Variants in TTC12 observed in about 807,000 individuals in gnomAD.
TTC12 encodes tetratricopeptide repeat domain 12, also known as tetratricopeptide repeat protein 12.
TTC12 carries 70 observed loss-of-function variants against 90.1 expected under a neutral mutation model. The observed-to-expected ratio is 0.78, with a 90% CI of 0.64 to 0.95. The LOEUF is 0.95. TTC12 is among the 40% of genes least tolerant of loss of function. The probability of loss-of-function intolerance (pLI) is 0.00; values close to 1 mark genes in which losing one functional copy is unlikely to be tolerated. For synonymous variants in TTC12, 296 were observed against 311.5 expected (o/e 0.95, Z 0.53); for missense variants, 819 against 846.1 (o/e 0.97, Z 0.40).
At chr11:113,356,941 C>G (rs149114383) in intron 16 of TTC12, among the ~76,000 whole-genome samples, 2,289 of 152,168 alleles carry the variant, frequency 0.015, 62 homozygotes, top group African/African-American at 0.054. Flanking sequence ...CTGGGGTTCT[C>G]TGCATTTCCT....
At position 113,323,640 on chromosome 11, in the gene TTC12, C is replaced by T. The variant is rs17115349; in HGVS notation, c.222+189C>T. The stretch of plus-strand genomic sequence containing the variant: ...TCTTTCTGGGTTATCTTTAAACAAC[C>T]CTTTGGATCTATTTTAATGGAAATT... On this transcript the variant is annotated intron_variant, in intron 3 of 21. Coordinates refer to ENST00000529221, the MANE Select transcript of TTC12 (RefSeq NM_017868.4). Among the ~76,000 whole-genome samples the T allele has an allele frequency of 9.3e-3, 1,417 of 151,812 alleles. 28 individuals are homozygous for T. Among genetic ancestry groups the T allele is most frequent in the African/African-American group, 0.032 (1,323 of 41,368 alleles).
intron 7 of TTC12, 144 bp downstream of exon 7, chr11:113,330,123 T>C (rs1947955307): frequency 4.3e-6 from 3 of 693,456 alleles, no homozygotes; most frequent in Non-Finnish European, 7.7e-6. Context: ...TAGAATAGAA[T>C]TGTTAGGAGG....
At chr11:113,359,173 A>G (rs1949781499) in intron 16 of TTC12, among the ~76,000 whole-genome samples, 190 bp from the exon 17 acceptor site, 1 of 150,224 alleles carries the variant, frequency 6.7e-6, no homozygotes, top group African/African-American at 2.5e-5. Context: ...GGCACCAGAG[A>G]CTCCTTCCAA....
chr11:113,322,699 A>G (rs1947415029), intron 2 of TTC12, among the ~76,000 whole-genome samples: 1 of 152,188 alleles, frequency 6.6e-6, no homozygotes, highest in South Asian at 2.1e-4. Context: ...TAGCATTCCT[A>G]ATGCAGACTG....
chr11:113,322,887 C>A (rs1385940355), intron 2 of TTC12, among the ~76,000 whole-genome samples: 1 of 152,016 alleles, frequency 6.6e-6, no homozygotes, highest in African/African-American at 2.4e-5. Context: ...TGCTGTTTTG[C>A]GATTTTGAGC....
rs145174911 is a variant in TTC12, at chr11:113,328,669, C to A, written c.445-1251C>A. Among the ~76,000 whole-genome samples, 220 of 152,154 alleles carry A rather than the reference C, an allele frequency of 1.4e-3. 2 individuals are homozygous for A. Among genetic ancestry groups the A allele is most frequent in the Admixed American group, 3.6e-3 (55 of 15,282 alleles). On this transcript the variant is annotated intron_variant, in intron 6 of 21. Transcript: ENST00000529221. Reference sequence around the variant, plus strand: ...ATACAGTTCACCCTTTTATAGTACACAATTTAATGGAATTTTAGTATAATC... The same window carrying A: ...ATACAGTTCACCCTTTTATAGTACAAAATTTAATGGAATTTTAGTATAATC...
At chr11:113,353,412 T>C (rs1343587431) in intron 16 of TTC12, among the ~76,000 whole-genome samples, 1 of 152,240 alleles carries the variant, frequency 6.6e-6, no homozygotes, top group Admixed American at 6.5e-5. Context: ...TCCCATTCTA[T>C]AGGTTGTCTG....
At chr11:113,337,949 T>C (rs1555144553) in intron 8 of TTC12, among the ~76,000 whole-genome samples, 1 of 152,164 alleles carries the variant, frequency 6.6e-6, no homozygotes, top group African/African-American at 2.4e-5. Context: ...CTCTGATATA[T>C]AGACTTCTGT....
chr11:113,364,691 A>AG, intron 20 of TTC12, 144 bp from the exon 21 acceptor site: 1 of 656,968 alleles, frequency 1.5e-6, no homozygotes. Flanking sequence ...ATGTTTGCTG[A>AG]TGAGTAAGTG....
chr11:113,332,592 G>A (rs782048274), intron 7 of TTC12, among the ~76,000 whole-genome samples: 7 of 152,074 alleles, frequency 4.6e-5, no homozygotes, highest in Non-Finnish European at 7.4e-5. Flanking sequence ...TCTGCTCCCC[G>A]TCTTTCGTCT....
In TTC12 at chr11:113,329,761, C is replaced by T. The variant is rs1326853191; in HGVS notation, c.445-159C>T. The T allele has an allele frequency of 2.1e-5, 15 of 701,980 alleles. No individual in the cohort carries two copies. The African/African-American group carries it at 2.6e-4, about 12-fold the overall frequency. The allele number at this position is 701,980 out of a possible 1,614,324, so 43.5% of individuals were successfully genotyped here. A position where few individuals can be genotyped will look rare whatever the true frequency, so the allele number is the denominator to read the frequency against. Reference sequence around the variant, plus strand: ...CTGTATTCAACTCTCCTCAGTTGCCCAGTGCAAGTGTGCCATCTGTTTCCT... The same window carrying T: ...CTGTATTCAACTCTCCTCAGTTGCCTAGTGCAAGTGTGCCATCTGTTTCCT... On this transcript the variant is annotated intron_variant, in intron 6 of 21. Coordinates refer to ENST00000529221, the MANE Select transcript of TTC12 (RefSeq NM_017868.4).
chr11:113,340,438 T>A (rs1301735525), intron 10 of TTC12, among the ~76,000 whole-genome samples: 2 of 152,214 alleles, frequency 1.3e-5, no homozygotes, highest in Admixed American at 6.5e-5. Context: ...CTGCTCTCCT[T>A]CTCTAAACAG....
At chr11:113,321,635 C>T (rs1364595352) in intron 2 of TTC12, among the ~76,000 whole-genome samples, 2 of 152,170 alleles carry the variant, frequency 1.3e-5, no homozygotes, top group Non-Finnish European at 2.9e-5. Flanking sequence ...CCTTTCTTCC[C>T]ATCAAGAGTG....
chr11:113,365,253 G>A (rs888176766), intron 21 of TTC12, among the ~76,000 whole-genome samples, 193 bp downstream of exon 21: 3 of 152,144 alleles, frequency 2.0e-5, no homozygotes, highest in African/African-American at 4.8e-5. Context: ...GGGAGCTCTC[G>A]GTCTCCAACC....
At chr11:113,316,424 A>G in intron 2 of TTC12, 109 bp downstream of exon 2, 1 of 483,008 alleles carries the variant, frequency 2.1e-6, no homozygotes, top group South Asian at 8.0e-5. Context: ...CTTAGGAAAA[A>G]AATGTAATTG....
chr11:113,341,682 C>T (rs560804416), intron 11 of TTC12, 155 bp from the exon 12 acceptor site: 37 of 644,770 alleles, frequency 5.7e-5, no homozygotes, highest in South Asian at 4.7e-4. Context: ...CTCATGGTTC[C>T]GTGATTGATC....
chr11:113,326,100 CTT>C (rs1555140975), intron 6 of TTC12, among the ~76,000 whole-genome samples: 12 of 152,208 alleles, frequency 7.9e-5, no homozygotes. Context: ...ATCAGTCTCT[CTT>C]TAAGATTCTG....
At chr11:113,329,695 G>T in intron 6 of TTC12, 2 of 610,844 alleles carry the variant, frequency 3.3e-6, no homozygotes, top group South Asian at 1.5e-5. Flanking sequence ...AGCATCCCTT[G>T]TCAGGTTCCC....
Position 113,334,971 on chromosome 11 carries a change from T to C in TTC12, c.510T>C (p.Asp170=). 3 of 1,613,656 alleles carry C rather than the reference T, an allele frequency of 1.9e-6. No individual in the cohort carries two copies. The highest frequency in any genetic ancestry group is 2.5e-6 in the Non-Finnish European group (3 of 1,179,612). ...AGTCATTCTCTTTTATGCAGTGTGA[T>C]GAAAAATGCACAAAAGCATATTTTC... ...LVDCEWALKC[D]EKCTKAYFHM... The change falls in exon 8 of 22, where the codon GAT becomes GAC. Residue 170 remains aspartate (D), a synonymous_variant. Transcript: ENST00000529221.
Sources: gnomAD v4.1 joint callset for allele counts (sites outside exome capture counted in the v4.1 genomes callset) on GRCh38, gnomAD v4.1.1 for gene constraint, MANE v1.5 for transcripts, NCBI Gene and HGNC (gene_info 2026-07-23, HGNC 2026-07-21) for gene names.